Variants in ZNF320 observed in about 807,000 individuals in gnomAD.
The protein encoded by ZNF320 is zinc finger protein 320, also known as zinc finger gene 320.
A neutral mutation model predicts 6.8 loss-of-function variants in ZNF320; 2 were observed. The observed-to-expected ratio is 0.29, with a 90% CI of 0.12 to 0.93. ZNF320 has a LOEUF of 0.93. ZNF320 is among the 40% of genes least tolerant of loss of function. ZNF320 has a pLI of 0.55. For missense variants in ZNF320, 472 were observed against 611.0 expected (o/e 0.77, Z 2.40); for synonymous variants, 208 against 203.2 (o/e 1.02, Z -0.20).
In ZNF320 at chr19:52,888,243, G is replaced by T; in HGVS notation, c.26C>A (p.Thr9Lys). MALSQGLL[T>K]FRDVAIEFSQ... The stretch of plus-strand genomic sequence containing the variant: ...GAATTCTATGGCCACATCCCTGAAT[G>T]TCAGTAGACCCTGAAAGGAAAACAC... Residue 9 changes from threonine to lysine, a missense_variant, in exon 5 of 6, where the codon ACA becomes AAA. This residue lies in a region of ZNF320 where 10 missense variants were observed against 51.2 expected (regional missense o/e 0.20). Transcript: ENST00000682928. 1.0e-6 allele frequency: 1 copy of T among 967,420 alleles called. No homozygotes were observed. Among genetic ancestry groups the T allele is most frequent in the Non-Finnish European group, 1.5e-6 (1 of 662,266 alleles). 59.9% of individuals were successfully genotyped at this position (967,420 alleles called of 1,614,324 possible).
exon 6 of ZNF320, among the ~76,000 whole-genome samples, chr19:52,863,171 A>G (rs568662965): frequency 6.6e-6 from 1 of 152,218 alleles, no homozygotes; most frequent in South Asian, 2.1e-4. Flanking sequence ...TGCTGGCCAG[A>G]CTGGTCTCGA....
At chr19:52,873,427 C>T (rs1341662271), downstream of ZNF320, among the ~76,000 whole-genome samples, 2 of 152,236 alleles carry the variant, frequency 1.3e-5, no homozygotes, top group African/African-American at 4.8e-5. Context: ...ACATCCTGCA[C>T]AGCCCGAGAT....
intron 1 of ZNF320, among the ~76,000 whole-genome samples, chr19:52,897,133 T>C (rs1349096705): frequency 6.6e-6 from 1 of 152,220 alleles, no homozygotes. Context: ...TGTGGAGTGC[T>C]TTCTTGATTG....
At chr19:52,901,569 C>A (rs2064571300), upstream of ZNF320, among the ~76,000 whole-genome samples, 2 of 152,138 alleles carry the variant, frequency 1.3e-5, no homozygotes. Flanking sequence ...TCCAGCACCT[C>A]TAAACAGTTA....
intron 2 of ZNF320, chr19:52,893,237 A>G (rs8113256): frequency 0.26 from 39,114 of 151,748 alleles, 5,614 homozygotes; most frequent in Admixed American, 0.41. Context: ...TTGTGTCACC[A>G]TATAGGCCCC....
At chr19:52,899,354 C>T (rs1157531490), upstream of ZNF320, among the ~76,000 whole-genome samples, 1 of 152,176 alleles carries the variant, frequency 6.6e-6, no homozygotes, top group Admixed American at 6.5e-5. Flanking sequence ...CAACTACTTT[C>T]CTCTGATGAT....
chr19:52,899,607 T>C (rs1568737444), upstream of ZNF320, among the ~76,000 whole-genome samples: 1 of 152,010 alleles, frequency 6.6e-6, no homozygotes, highest in African/African-American at 2.4e-5. Flanking sequence ...GGACTACAGG[T>C]GCTGCCACCG....
intron 5 of ZNF320, among the ~76,000 whole-genome samples, chr19:52,883,312 G>A (rs895941501): frequency 1.3e-5 from 2 of 151,980 alleles, no homozygotes; most frequent in Admixed American, 6.6e-5. Context: ...CACACTTCTC[G>A]GCCTCCCAAA....
At chr19:52,872,371 G>A (rs1410320182), downstream of ZNF320, among the ~76,000 whole-genome samples, 2 of 152,196 alleles carry the variant, frequency 1.3e-5, no homozygotes, top group Non-Finnish European at 2.9e-5. Context: ...CTCAGAAGGT[G>A]GAGATAAGAG....
chr19:52,863,891 G>A, exon 6 of ZNF320: 4 of 307,748 alleles, frequency 1.3e-5, no homozygotes, highest in East Asian at 2.0e-4. Flanking sequence ...TAACATGCTG[G>A]GCATGGTGGC....
intron 4 of ZNF320, 77 bp downstream of exon 4, chr19:52,890,164 G>A (rs2064240328): frequency 3.8e-6 from 6 of 1,580,438 alleles, no homozygotes; most frequent in South Asian, 2.2e-5. Flanking sequence ...TTCAGACTAA[G>A]AGAAGATTCC....
Position 52,877,288 on chromosome 19 carries a change from C to T in ZNF320, c.*3308G>A, listed in dbSNP as rs1847890463. 3.9e-5 allele frequency: 6 copies of T among 152,108 alleles called. No individual in the cohort carries two copies. 9.4% of individuals were successfully genotyped at this position (152,108 alleles called of 1,614,324 possible). A position where few individuals can be genotyped will look rare whatever the true frequency, so the allele number is the denominator to read the frequency against. On this transcript the variant is annotated 3_prime_UTR_variant, in exon 6 of 6. Coordinates refer to ENST00000682928, the MANE Select transcript of ZNF320 (RefSeq NM_001351774.2). ...GCAATCAGTACATATATACATTGGT[C>T]CGGTCTGGAAAGGTGGAATAACTGG...
intron 2 of ZNF320, chr19:52,892,072 G>A (rs1318519308): frequency 6.6e-6 from 1 of 152,224 alleles, no homozygotes; most frequent in African/African-American, 2.4e-5. Flanking sequence ...TACTGACCTT[G>A]AAAACAGGGA....
chr19:52,865,832 T>A (rs1370317302), intron 5 of ZNF320, among the ~76,000 whole-genome samples: 4 of 121,826 alleles, frequency 3.3e-5, no homozygotes, highest in Non-Finnish European at 6.3e-5. Context: ...CATATATTTA[T>A]ATATGATTAT....
Position 52,881,605 on chromosome 19 carries a change from G to C in ZNF320, c.521C>G (p.Ser174Ter). The C allele has an allele frequency of 6.2e-7, 1 of 1,613,970 alleles. No homozygotes were observed. The highest frequency in any genetic ancestry group is 8.5e-7 in the Non-Finnish European group (1 of 1,179,920). ...AATTATCCTATGTATTTCAAGATGTGATTTGCAACTGAAAACTTTCTCACA... is the reference window on the plus strand; with the variant it reads ...AATTATCCTATGTATTTCAAGATGTCATTTGCAACTGAAAACTTTCTCACA... ...EECEKVFSCK[S>*]HLEIHRIIHT... The change falls in exon 6 of 6, where the codon TCA becomes TGA. Residue 174 changes from serine to a stop codon, truncating the protein, a stop_gained. Coordinates refer to ENST00000682928, the MANE Select transcript of ZNF320 (RefSeq NM_001351774.2). LOFTEE classifies it low-confidence loss of function (END_TRUNC).
downstream of ZNF320, among the ~76,000 whole-genome samples, chr19:52,859,612 A>G (rs2063474623): frequency 1.3e-5 from 2 of 152,188 alleles, no homozygotes; most frequent in African/African-American, 4.8e-5. Context: ...CACACAGGGA[A>G]AGACAGAGAA....
intron 5 of ZNF320, among the ~76,000 whole-genome samples, chr19:52,870,756 A>C (rs2063667091): frequency 6.6e-6 from 1 of 152,068 alleles, no homozygotes; most frequent in Non-Finnish European, 1.5e-5. Flanking sequence ...ACAGAGGGAG[A>C]CTCAACTAAA....
chr19:52,880,491 A>G lies in ZNF320; in HGVS notation c.*105T>C. 8.3e-7 allele frequency: 1 copy of G among 1,197,638 alleles called. No individual in the cohort carries two copies. The highest frequency in any genetic ancestry group is 2.4e-5 in the East Asian group (1 of 41,094). The allele number at this position is 1,197,638 out of a possible 1,614,324, so 74.2% of individuals were successfully genotyped here. ...GCTGGGATTACAGGTGTGAGACACC[A>G]CGCCTGGCCCAATCCTCTTAACATA... On this transcript the variant is annotated 3_prime_UTR_variant, in exon 6 of 6. Transcript: ENST00000682928.
chr19:52,884,714 A>C (rs537005991), intron 5 of ZNF320, among the ~76,000 whole-genome samples: 3 of 152,288 alleles, frequency 2.0e-5, no homozygotes, highest in Non-Finnish European at 2.9e-5. Context: ...GGTCTTTGAA[A>C]GTGCTAGGAT....
Sources: allele counts gnomAD v4.1 joint callset (sites outside exome capture counted in the v4.1 genomes callset), GRCh38; gene constraint gnomAD v4.1.1; regional missense constraint gnomAD v4.1.1; transcripts MANE v1.5; gene names NCBI Gene and HGNC (gene_info 2026-07-23, HGNC 2026-07-21).